The following CALN1 variants were observed in gnomAD, a reference collection of about 807,000 sequenced individuals.
The protein encoded by CALN1 is calneuron 1.
A neutral mutation model predicts 30.6 loss-of-function variants in CALN1; 17 were observed. The ratio of observed to expected loss-of-function variants is 0.56; its 90% CI spans 0.38 to 0.83. The LOEUF (loss-of-function observed/expected upper bound fraction) is 0.83. Ranked by LOEUF, CALN1 falls within the 40% of genes least tolerant of loss-of-function variation. The pLI is 0.00. For synonymous variants in CALN1, 156 were observed against 131.4 expected (o/e 1.19, Z -1.28); for missense variants, 291 against 354.9 (o/e 0.82, Z 1.45).
In CALN1 at chr7:71,814,237, G is replaced by A. The variant is rs367780906; in HGVS notation, c.502-3745C>T. Among the ~76,000 whole-genome samples, 5 of 152,252 alleles carry A rather than the reference G, an allele frequency of 3.3e-5. No individual in the cohort carries two copies. The East Asian group carries it at 7.8e-4, about 24-fold the overall frequency. ...GTATCCCATGTTTTGCTTTCCAGAG[G>A]GGAATGTTTTTGGTGGTTGGCCTGA... is the stretch of plus-strand genomic sequence containing the variant. On this transcript the variant is annotated intron_variant, in intron 5 of 6. Transcript: ENST00000395275.
intron 5 of CALN1, among the ~76,000 whole-genome samples, chr7:71,893,842 G>A (rs1037880621): frequency 3.3e-5 from 5 of 152,046 alleles, no homozygotes; most frequent in African/African-American, 1.2e-4. Context: ...GCCTCTCTGG[G>A]AATAGAGGAG....
intron 3 of CALN1, among the ~76,000 whole-genome samples, chr7:72,271,575 A>AAAAAAAAAAAAAAAAAAATATATAT: frequency 3.8e-5 from 2 of 52,124 alleles, no homozygotes; most frequent in African/African-American, 2.7e-4. Context: ...AAAAAAAAAA[A>AAAAAAAAAAAAAAAAAAATATATAT]ATATATATAT....
intron 4 of CALN1, among the ~76,000 whole-genome samples, chr7:72,098,523 G>A (rs975080919): frequency 3.3e-5 from 5 of 151,964 alleles, no homozygotes; most frequent in Admixed American, 2.6e-4. Flanking sequence ...GGGTAATAGA[G>A]TGAGACTTCA....
At chr7:72,152,871 GAGA>G (rs932985751) in intron 3 of CALN1, among the ~76,000 whole-genome samples, 2 of 152,146 alleles carry the variant, frequency 1.3e-5, no homozygotes, top group African/African-American at 2.4e-5. Flanking sequence ...CTCCATGGGG[GAGA>G]AGAATAAACA....
At chr7:71,921,106 A>G (rs779612851) in intron 5 of CALN1, among the ~76,000 whole-genome samples, 1 of 152,242 alleles carries the variant, frequency 6.6e-6, no homozygotes, top group Non-Finnish European at 1.5e-5. Context: ...ACACAAGAAC[A>G]GAAGACCAAA....
At chr7:72,348,143 G>T (rs1005047092) in intron 2 of CALN1, among the ~76,000 whole-genome samples, 1 of 152,054 alleles carries the variant, frequency 6.6e-6, no homozygotes, top group East Asian at 1.9e-4. Flanking sequence ...GAAACTAACG[G>T]CAAAAACCTC....
chr7:72,224,272 A>C (rs1793514084), intron 3 of CALN1, among the ~76,000 whole-genome samples: 1 of 152,204 alleles, frequency 6.6e-6, no homozygotes, highest in Non-Finnish European at 1.5e-5. Context: ...TAGAGGAGGT[A>C]AAATGCAAAG....
At chr7:72,132,850 A>C (rs915164787) in intron 3 of CALN1, among the ~76,000 whole-genome samples, 1 of 152,186 alleles carries the variant, frequency 6.6e-6, no homozygotes, top group Non-Finnish European at 1.5e-5. Flanking sequence ...TTCGGTCTGT[A>C]GCCTGTTAGG....
chr7:72,504,203 A>T, the CALN1 span, among the ~76,000 whole-genome samples: 1 of 152,220 alleles, frequency 6.6e-6, no homozygotes, highest in Non-Finnish European at 1.5e-5. Flanking sequence ...GCCCGGCTTC[A>T]TAGGCAATAA....
chr7:72,237,209 C>T (rs1794529560), intron 3 of CALN1, among the ~76,000 whole-genome samples: 1 of 152,148 alleles, frequency 6.6e-6, no homozygotes, highest in African/African-American at 2.4e-5. Flanking sequence ...GTCTCAAACT[C>T]CTGACCTCAG....
At chr7:72,310,229 C>A (rs1320753317) in intron 2 of CALN1, among the ~76,000 whole-genome samples, 2 of 151,656 alleles carry the variant, frequency 1.3e-5, no homozygotes, top group Non-Finnish European at 2.9e-5. Context: ...CTAGACAGCA[C>A]AATGCTACTC....
chr7:71,892,585 A>G (rs1218088542), intron 5 of CALN1, among the ~76,000 whole-genome samples: 6 of 152,198 alleles, frequency 3.9e-5, no homozygotes, highest in African/African-American at 1.4e-4. Context: ...AGATCATGCT[A>G]TTGCAATCCT....
chr7:71,828,606 C>T (rs1013391114), intron 5 of CALN1, among the ~76,000 whole-genome samples: 2 of 151,292 alleles, frequency 1.3e-5, no homozygotes, highest in African/African-American at 4.8e-5. Flanking sequence ...AGCTCCCTCC[C>T]TGTTTTGAGT....
intron 3 of CALN1, among the ~76,000 whole-genome samples, chr7:72,210,844 A>G (rs1792339257): frequency 6.6e-6 from 1 of 151,930 alleles, no homozygotes; most frequent in Non-Finnish European, 1.5e-5. Context: ...TGAGCCCAGG[A>G]GTTCAAGACC....
intron 3 of CALN1, among the ~76,000 whole-genome samples, chr7:72,199,508 C>T (rs529339671): frequency 1.3e-5 from 2 of 152,198 alleles, no homozygotes; most frequent in South Asian, 4.2e-4. Flanking sequence ...GAGTTCGAGA[C>T]AAGGAGTTCA....
At chr7:71,889,132 A>G (rs566369217) in intron 5 of CALN1, among the ~76,000 whole-genome samples, 1 of 152,190 alleles carries the variant, frequency 6.6e-6, no homozygotes, top group African/African-American at 2.4e-5. Flanking sequence ...TCTGGCTGCT[A>G]CAACAAAATA....
chr7:72,253,399 G>A (rs1243905720), intron 3 of CALN1, among the ~76,000 whole-genome samples: 1 of 152,088 alleles, frequency 6.6e-6, no homozygotes, highest in African/African-American at 2.4e-5. Flanking sequence ...TTGTTTTAAG[G>A]ACTGCTATAA....
Position 71,947,883 on chromosome 7 carries a change from T to C in CALN1, c.501+75774A>G, listed in dbSNP as rs192614993. On this transcript the variant is annotated intron_variant, in intron 5 of 6. Coordinates refer to ENST00000395275, the MANE Select transcript of CALN1 (RefSeq NM_031468.4). ...TGAACCTGGGAGGCAGAGGTTGCAG[T>C]GAGCTAGTTGCACTGCACTCCAGCC... Among the ~76,000 whole-genome samples the C allele has an allele frequency of 2.7e-5, 4 of 147,992 alleles. No individual in the cohort carries two copies. The East Asian group carries it at 7.9e-4, about 29-fold the overall frequency.
intron 4 of CALN1, among the ~76,000 whole-genome samples, chr7:72,071,018 G>T (rs370802202): frequency 2.6e-5 from 4 of 152,306 alleles, no homozygotes; most frequent in African/African-American, 9.6e-5. Flanking sequence ...AATCATGCTG[G>T]CAGAATTTGT....
Sources: allele counts gnomAD v4.1 joint callset (sites outside exome capture counted in the v4.1 genomes callset), GRCh38; gene constraint gnomAD v4.1.1; transcripts MANE v1.5; gene names NCBI Gene and HGNC (gene_info 2026-07-23, HGNC 2026-07-21).